Variants in ASNS observed in about 807,000 individuals in gnomAD.
ASNS encodes the protein asparagine synthetase [glutamine-hydrolyzing].
A neutral mutation model predicts 62.6 loss-of-function variants in ASNS; 37 were observed. The observed-to-expected ratio is 0.59, with a 90% CI of 0.45 to 0.78. The LOEUF is 0.78. Among genes scored for constraint, ASNS ranks in the 30% least tolerant of loss-of-function variants. The pLI, the probability that ASNS is intolerant of heterozygous loss-of-function variation, is 0.00. For missense variants in ASNS, 520 were observed against 682.4 expected (o/e 0.76, Z 2.65); for synonymous variants, 207 against 237.9 (o/e 0.87, Z 1.19).
At chr7:97,912,111 C>T in the ASNS span, among the ~76,000 whole-genome samples, 9 of 152,148 alleles carry the variant, frequency 5.9e-5, no homozygotes, top group Admixed American at 1.3e-4. Context: ...GCAAGTTTAG[C>T]GCAATGCAGC....
chr7:97,867,058 T>C (rs1792010931), intron 3 of ASNS, among the ~76,000 whole-genome samples: 1 of 129,602 alleles, frequency 7.7e-6, no homozygotes, highest in South Asian at 2.4e-4. Flanking sequence ...GATGTATTAC[T>C]TCCTACTCTC....
At chr7:97,885,985 A>G in the ASNS span, 1 of 606,110 alleles carries the variant, frequency 1.6e-6, no homozygotes, top group South Asian at 1.5e-5. Flanking sequence ...GGGAGGCCAC[A>G]TGCCCATGAT....
chr7:97,878,043 A>C, the ASNS span, among the ~76,000 whole-genome samples: 1 of 152,188 alleles, frequency 6.6e-6, no homozygotes, highest in Non-Finnish European at 1.5e-5. Flanking sequence ...ACAGGTTGTG[A>C]GCGCCAGGTG....
At chr7:97,889,939 A>AC in the ASNS span, among the ~76,000 whole-genome samples, 2 of 149,344 alleles carry the variant, frequency 1.3e-5, no homozygotes, top group Non-Finnish European at 3.0e-5. Context: ...AAAAAAAAAA[A>AC]AAAAAAAAAA....
At chr7:97,921,574 A>T in the ASNS span, among the ~76,000 whole-genome samples, 4 of 152,154 alleles carry the variant, frequency 2.6e-5, no homozygotes, top group Non-Finnish European at 5.9e-5. Flanking sequence ...AGCTGCTCAG[A>T]TACTTGAAGG....
Position 97,852,304 on chromosome 7 carries a change from A to AGGGT in ASNS, c.1637_1640dup (p.Ser548ProfsTer24). On this transcript the variant is annotated frameshift_variant, in exon 13 of 13. Transcript: ENST00000394308. LOFTEE classifies it high-confidence loss of function. Reference sequence around the variant, plus strand: ...TGTAGTGGGTCAGCGTGCGGGCAGAAGGGTCAGTGGCATTGATCCACTTGG... The same window carrying AGGGT: ...TGTAGTGGGTCAGCGTGCGGGCAGAAGGGTGGGTCAGTGGCATTGATCCACTTGG... The AGGGT allele has an allele frequency of 6.2e-7, 1 of 1,614,180 alleles. No individual in the cohort carries two copies. Among genetic ancestry groups the AGGGT allele is most frequent in the South Asian group, 1.1e-5 (1 of 91,082 alleles).
At chr7:97,899,794 AGGTGT>A in the ASNS span, among the ~76,000 whole-genome samples, 2,110 of 152,288 alleles carry the variant, frequency 0.014, 164 homozygotes, top group Admixed American at 0.13. Context: ...AGACAACAAT[AGGTGT>A]ATCTCTTCAT....
At chr7:97,906,273 G>A in the ASNS span, among the ~76,000 whole-genome samples, 1 of 151,390 alleles carries the variant, frequency 6.6e-6, no homozygotes, top group African/African-American at 2.4e-5. Flanking sequence ...CACCACCGTC[G>A]CCCTGCCATT....
the ASNS span, among the ~76,000 whole-genome samples, chr7:97,884,112 A>G: frequency 6.6e-6 from 1 of 152,076 alleles, no homozygotes; most frequent in East Asian, 1.9e-4. Flanking sequence ...AGTTAGGTGG[A>G]ATGCCCAAGG....
intron 4 of ASNS, chr7:97,864,013 G>T (rs2115705481): frequency 2.5e-6 from 1 of 392,776 alleles, no homozygotes; most frequent in Non-Finnish European, 4.5e-6. Context: ...GATCAAGCTA[G>T]ATGTAGAGCA....
At position 97,853,071 on chromosome 7, in the gene ASNS, C is replaced by T. The variant is rs772079299; in HGVS notation, c.1465G>A (p.Val489Ile). ...NSWFKILQEY[V>I]EHQVDDAMMA... ...TAAAGACATTATACCTGATGTTCAA[C>T]GTATTCCTGTAAAATCTTAAACCAG... Residue 489 changes from valine (V) to isoleucine (I), a missense_variant, in exon 12 of 13, where the codon GTT (valine) becomes ATT (isoleucine). By Grantham distance (29) the Val-to-Ile change is conservative. Transcript: ENST00000394308. 2.4e-4 allele frequency: 375 copies of T among 1,579,272 alleles called. No individual in the cohort carries two copies. Among genetic ancestry groups the T allele is most frequent in the Non-Finnish European group, 3.1e-4 (358 of 1,166,120 alleles).
the ASNS span, among the ~76,000 whole-genome samples, chr7:97,878,986 T>C: frequency 3.0e-3 from 453 of 152,190 alleles, 2 homozygotes; most frequent in African/African-American, 0.01. Flanking sequence ...TCAGAAATAA[T>C]GCTACATTAT....
At chr7:97,862,036 AC>A (rs1397338077) in intron 4 of ASNS, among the ~76,000 whole-genome samples, 1 of 152,196 alleles carries the variant, frequency 6.6e-6, no homozygotes, top group East Asian at 1.9e-4. Context: ...GTATCCTGCA[AC>A]CCTGATGAAC....
the ASNS span, among the ~76,000 whole-genome samples, chr7:97,893,378 C>T: frequency 2.0e-5 from 3 of 152,338 alleles, no homozygotes; most frequent in South Asian, 4.1e-4. Flanking sequence ...AGGAATAAGT[C>T]CTCACCTATC....
At chr7:97,924,707 C>T in the ASNS span, among the ~76,000 whole-genome samples, 1 of 152,214 alleles carries the variant, frequency 6.6e-6, no homozygotes, top group Non-Finnish European at 1.5e-5. Context: ...AGATGCCACC[C>T]AAATCCACTC....
chr7:97,875,803 A>C (rs575964376), upstream of ASNS, among the ~76,000 whole-genome samples: 2 of 152,322 alleles, frequency 1.3e-5, 1 homozygote, highest in South Asian at 4.1e-4. Context: ...TTTTGAAGCT[A>C]ATTGTAGTCC....
At chr7:97,894,471 G>A in the ASNS span, among the ~76,000 whole-genome samples, 1 of 106,134 alleles carries the variant, frequency 9.4e-6, no homozygotes, top group Non-Finnish European at 1.8e-5. Context: ...AACCACTAGT[G>A]AGGCTAACCA....
chr7:97,860,545 C>A (rs1286722471), intron 4 of ASNS, among the ~76,000 whole-genome samples: 1 of 152,156 alleles, frequency 6.6e-6, no homozygotes, highest in African/African-American at 2.4e-5. Flanking sequence ...TGAAAATAAG[C>A]CAGTTCCAGT....
At chr7:97,887,267 C>G in the ASNS span, among the ~76,000 whole-genome samples, 1 of 152,286 alleles carries the variant, frequency 6.6e-6, no homozygotes, top group South Asian at 2.1e-4. Context: ...CTGCTATGGT[C>G]CCTCCCCAGT....
Sources: allele counts gnomAD v4.1 joint callset (sites outside exome capture counted in the v4.1 genomes callset), GRCh38; gene constraint gnomAD v4.1.1; transcripts MANE v1.5; gene names NCBI Gene and HGNC (gene_info 2026-07-23, HGNC 2026-07-21).